Variants in SH3RF3 observed in about 807,000 individuals in gnomAD.
The protein encoded by SH3RF3 is SH3 domain containing ring finger 3, also known as E3 ubiquitin-protein ligase SH3RF3.
Under a neutral mutation model 66.3 loss-of-function variants are expected in SH3RF3, and 29 were observed. The observed-to-expected ratio is 0.44, with a 90% CI of 0.33 to 0.60. The LOEUF (loss-of-function observed/expected upper bound fraction) is 0.60. SH3RF3 is among the 20% of genes least tolerant of loss of function. The pLI is 0.04. For synonymous variants in SH3RF3, 583 were observed against 532.0 expected (o/e 1.10, Z -1.32); for missense variants, 1,194 against 1,190.9 (o/e 1.00, Z -0.04).
At chr2:109,334,877 C>A (rs767633341) in intron 1 of SH3RF3, among the ~76,000 whole-genome samples, 1 of 152,212 alleles carries the variant, frequency 6.6e-6, no homozygotes, top group Non-Finnish European at 1.5e-5. Context: ...TTTGTGGAAC[C>A]CAGTGTTTTT....
In SH3RF3 at chr2:109,129,676, A is replaced by C; in HGVS notation, c.136A>C (p.Met46Leu). The change falls in exon 1 of 10, where the codon ATG becomes CTG. Residue 46 changes from methionine (M) to leucine (L), a missense_variant. By Grantham distance (15) the Met-to-Leu change is conservative (BLOSUM62 2). Coordinates refer to ENST00000309415, the MANE Select transcript of SH3RF3 (RefSeq NM_001099289.3). The stretch of plus-strand genomic sequence containing the variant: ...CACCGCCGCGGGGGCGGGCGAGGAC[A>C]TGGACGAGTCGTCGCTGCTGGACCT... ...AATAAGAGED[M>L]DESSLLDLLE... The C allele has an allele frequency of 6.6e-7, 1 of 1,523,036 alleles. No homozygotes were observed. The highest frequency in any genetic ancestry group is 8.8e-7 in the Non-Finnish European group (1 of 1,140,720). 94.3% of individuals were successfully genotyped at this position (1,523,036 alleles called of 1,614,324 possible).
At chr2:109,460,943 T>C (rs1054683535) in intron 8 of SH3RF3, among the ~76,000 whole-genome samples, 2 of 152,208 alleles carry the variant, frequency 1.3e-5, no homozygotes, top group Non-Finnish European at 2.9e-5. Context: ...CTGCCCACTT[T>C]CAGGTGGTGC....
chr2:109,145,746 C>T (rs575159545), intron 1 of SH3RF3, among the ~76,000 whole-genome samples: 20 of 152,330 alleles, frequency 1.3e-4, no homozygotes, highest in South Asian at 1.0e-3. Context: ...CCTCCCCACC[C>T]GTGTGAAAGG....
intron 8 of SH3RF3, among the ~76,000 whole-genome samples, chr2:109,460,622 C>A (rs1678185712): frequency 6.6e-6 from 1 of 152,238 alleles, no homozygotes; most frequent in South Asian, 2.1e-4. Flanking sequence ...CTGCTGAGGT[C>A]ACCCTTTGGT....
intron 4 of SH3RF3, among the ~76,000 whole-genome samples, chr2:109,405,482 C>T (rs997087317): frequency 5.3e-5 from 8 of 152,052 alleles, no homozygotes; most frequent in African/African-American, 1.4e-4. Context: ...TGAGCCTGTG[C>T]AGATCTTCTC....
At chr2:109,345,924 C>T (rs1356900773) in intron 1 of SH3RF3, among the ~76,000 whole-genome samples, 2 of 152,152 alleles carry the variant, frequency 1.3e-5, no homozygotes, top group African/African-American at 2.4e-5. Flanking sequence ...CCCCACCTTC[C>T]GGTTGTGATA....
rs190346597 is a variant in SH3RF3, at chr2:109,459,654, G to T, written c.2148+10165G>T. On this transcript the variant is annotated intron_variant, in intron 8 of 9. Transcript: ENST00000309415. Reference sequence around the variant, plus strand: ...CACCCGAGCCAGCACAGTAGTTCCCGTTCCTGCCTTTGATTCTAAGCCACA... The same window carrying T: ...CACCCGAGCCAGCACAGTAGTTCCCTTTCCTGCCTTTGATTCTAAGCCACA... Among the ~76,000 whole-genome samples the T allele has an allele frequency of 3.0e-4, 46 of 152,234 alleles. No homozygotes were observed. In the East Asian group the frequency reaches 8.1e-3, roughly 27 times the overall value.
chr2:109,287,933 G>T (rs970849541), intron 1 of SH3RF3, among the ~76,000 whole-genome samples: 1 of 152,238 alleles, frequency 6.6e-6, no homozygotes, highest in African/African-American at 2.4e-5. Flanking sequence ...TCCAGGACCT[G>T]CCTGTTCAAA....
intron 1 of SH3RF3, among the ~76,000 whole-genome samples, chr2:109,215,400 A>G (rs1220888484): frequency 2.0e-5 from 3 of 151,872 alleles, no homozygotes; most frequent in Non-Finnish European, 4.4e-5. Context: ...GATAAAGATC[A>G]GTGAACTCAG....
intron 1 of SH3RF3, among the ~76,000 whole-genome samples, chr2:109,228,157 G>A (rs924358374): frequency 1.3e-5 from 2 of 152,278 alleles, no homozygotes; most frequent in South Asian, 2.1e-4. Flanking sequence ...TACTTGCAAC[G>A]TTTGGCAAAC....
intron 2 of SH3RF3, among the ~76,000 whole-genome samples, chr2:109,357,866 A>G (rs1298114632): frequency 1.3e-5 from 2 of 152,216 alleles, no homozygotes; most frequent in Non-Finnish European, 2.9e-5. Context: ...TGCATTGTCA[A>G]CATCACTCAC....
At chr2:109,361,106 T>C (rs1019101967) in intron 2 of SH3RF3, among the ~76,000 whole-genome samples, 2 of 152,226 alleles carry the variant, frequency 1.3e-5, no homozygotes, top group Non-Finnish European at 2.9e-5. Flanking sequence ...TTCTTTAGCC[T>C]GTGGATATGA....
intron 2 of SH3RF3, among the ~76,000 whole-genome samples, chr2:109,364,736 A>G (rs1423202042): frequency 6.6e-6 from 1 of 152,146 alleles, no homozygotes; most frequent in African/African-American, 2.4e-5. Context: ...GTGAAACAGG[A>G]TGGCTACAGT....
At chr2:109,417,313 C>T (rs928036208) in intron 4 of SH3RF3, among the ~76,000 whole-genome samples, 53 of 152,180 alleles carry the variant, frequency 3.5e-4, no homozygotes, top group African/African-American at 1.3e-3. Flanking sequence ...GACTCATGAT[C>T]CAGACCGGCT....
intron 8 of SH3RF3, among the ~76,000 whole-genome samples, chr2:109,473,208 C>T (rs1035204895): frequency 1.3e-5 from 2 of 152,052 alleles, no homozygotes; most frequent in Non-Finnish European, 1.5e-5. Flanking sequence ...CCTAGACATA[C>T]GAGCGCCTCA....
chr2:109,186,840 A>G (rs1023489115), intron 1 of SH3RF3, among the ~76,000 whole-genome samples: 1 of 152,156 alleles, frequency 6.6e-6, no homozygotes, highest in African/African-American at 2.4e-5. Flanking sequence ...CTCCCCAGCT[A>G]TGGGGTCAGA....
intron 3 of SH3RF3, among the ~76,000 whole-genome samples, chr2:109,396,256 G>A (rs939917784): frequency 6.6e-6 from 1 of 152,220 alleles, no homozygotes; most frequent in Non-Finnish European, 1.5e-5. Flanking sequence ...TTAGGAGGAA[G>A]CAAATGAATA....
chr2:109,419,862 A>G (rs1470738137), intron 5 of SH3RF3, among the ~76,000 whole-genome samples: 4 of 152,258 alleles, frequency 2.6e-5, no homozygotes, highest in Non-Finnish European at 5.9e-5. Context: ...TCTTCTAAGC[A>G]GGGAGGATAT....
intron 1 of SH3RF3, among the ~76,000 whole-genome samples, chr2:109,211,420 C>T (rs367970350): frequency 2.0e-5 from 3 of 152,260 alleles, no homozygotes; most frequent in Admixed American, 6.5e-5. Context: ...GAAGCCCTGG[C>T]GAGGTAAGAA....
Sources: allele counts gnomAD v4.1 joint callset (sites outside exome capture counted in the v4.1 genomes callset), GRCh38; gene constraint gnomAD v4.1.1; transcripts MANE v1.5; gene names NCBI Gene and HGNC (gene_info 2026-07-23, HGNC 2026-07-21).